The following PRKACB variants were observed in gnomAD, a reference collection of about 807,000 sequenced individuals.
PRKACB encodes the protein cAMP-dependent protein kinase catalytic subunit beta.
In PRKACB, 16 loss-of-function variants were observed where a neutral mutation model predicts 51.4. The ratio of observed to expected loss-of-function variants is 0.31; its 90% CI spans 0.21 to 0.47. The LOEUF (loss-of-function observed/expected upper bound fraction) is 0.47. Among genes scored for constraint, PRKACB ranks in the 20% least tolerant of loss-of-function variants. The pLI is 1.00. For synonymous variants in PRKACB, 147 were observed against 154.4 expected (o/e 0.95, Z 0.35); for missense variants, 309 against 464.5 (o/e 0.67, Z 3.08).
chr1:84,107,053 G>A (rs958257911), intron 1 of PRKACB, among the ~76,000 whole-genome samples: 1 of 151,990 alleles, frequency 6.6e-6, no homozygotes. Context: ...TAGTACCTGG[G>A]TGACAAAATA....
chr1:84,164,529 C>T (rs1656775803), intron 1 of PRKACB: 3 of 1,469,448 alleles, frequency 2.0e-6, no homozygotes, highest in Non-Finnish European at 2.8e-6. Flanking sequence ...TCATGTGGCT[C>T]TAAAATAAAA....
rs1676589879 is a variant in PRKACB, at chr1:84,235,551, G to T, written c.*246G>T. 1 of 405,372 alleles carries T rather than the reference G, an allele frequency of 2.5e-6. No individual in the cohort carries two copies. The allele number at this position is 405,372 out of a possible 1,614,324, so 25.1% of individuals were successfully genotyped here. A position where few individuals can be genotyped will look rare whatever the true frequency, so the allele number is the denominator to read the frequency against. On this transcript the variant is annotated 3_prime_UTR_variant, in exon 10 of 10. Transcript: ENST00000370685. ...CCACTTTCTTACTTCTCTTTGGGTT[G>T]TCTTTCTCCTCTCCTATATCCATTT... is the stretch of plus-strand genomic sequence containing the variant.
chr1:84,181,583 CTTCTT>C (rs2100988516), intron 2 of PRKACB: 1 of 930,086 alleles, frequency 1.1e-6, no homozygotes, highest in African/African-American at 1.7e-5. Context: ...ATGAGGAACT[CTTCTT>C]TCCTTATTGT....
At position 84,222,552 on chromosome 1, in the gene PRKACB, A is replaced by G. The variant is rs549778963; in HGVS notation, c.1071+8235A>G. On this transcript the variant is annotated intron_variant, in intron 9 of 9. Transcript: ENST00000370685. ...AGTTTGGTGGTTTTCTGTAATGGTAATATTTGAGTCCTTTCTCTTTCTCAT... is the reference window on the plus strand; with the variant it reads ...AGTTTGGTGGTTTTCTGTAATGGTAGTATTTGAGTCCTTTCTCTTTCTCAT... 6.6e-5 allele frequency among the ~76,000 whole-genome samples: 10 copies of G among 151,926 alleles called. No homozygotes were observed. The South Asian group carries it at 1.9e-3, about 29-fold the overall frequency.
At chr1:84,219,495 G>A (rs1673370422) in intron 9 of PRKACB, among the ~76,000 whole-genome samples, 2 of 152,006 alleles carry the variant, frequency 1.3e-5, no homozygotes, top group Non-Finnish European at 2.9e-5. Flanking sequence ...ACAGGCGTGA[G>A]CCACCATGCC....
chr1:84,228,615 T>G (rs892980317), intron 9 of PRKACB, among the ~76,000 whole-genome samples: 1 of 152,226 alleles, frequency 6.6e-6, no homozygotes, highest in African/African-American at 2.4e-5. Flanking sequence ...GGAAGACATT[T>G]TACTTTTAGG....
intron 1 of PRKACB, among the ~76,000 whole-genome samples, chr1:84,171,554 C>T (rs1461282842): frequency 6.6e-6 from 1 of 151,508 alleles, no homozygotes; most frequent in Non-Finnish European, 1.5e-5. Flanking sequence ...CTCTTAAATG[C>T]ATTTACTGAT....
At position 84,202,896 on chromosome 1, in the gene PRKACB, T is replaced by C. The variant is rs577638187; in HGVS notation, c.906+91T>C. On this transcript the variant is annotated intron_variant, in intron 8 of 9. Coordinates refer to ENST00000370685, the MANE Select transcript of PRKACB (RefSeq NM_182948.4). ...AACTATATTGTGTCATAATTATTAT[T>C]CTACATTGGGAAAAATATAGAAAAA... 2.9e-5 allele frequency: 33 copies of C among 1,127,836 alleles called. No homozygotes were observed. The South Asian group carries it at 7.3e-4, about 25-fold the overall frequency. The allele number at this position is 1,127,836 out of a possible 1,614,324, so 69.9% of individuals were successfully genotyped here.
intron 1 of PRKACB, 87 bp from the exon 2 acceptor site, chr1:84,179,090 T>A (rs1572106648): frequency 7.2e-7 from 1 of 1,381,526 alleles, no homozygotes; most frequent in East Asian, 2.6e-5. Flanking sequence ...TTTTTTTAAG[T>A]GAGAAAACCA....
intron 1 of PRKACB, among the ~76,000 whole-genome samples, chr1:84,173,846 A>C (rs1660345466): frequency 6.6e-6 from 1 of 151,874 alleles, no homozygotes. Context: ...GACACTATTA[A>C]AAACATTATT....
At chr1:84,118,136 G>T (rs1650779757) in intron 1 of PRKACB, among the ~76,000 whole-genome samples, 1 of 152,132 alleles carries the variant, frequency 6.6e-6, no homozygotes, top group Non-Finnish European at 1.5e-5. Flanking sequence ...GTAGAGATGT[G>T]AACTGCTAAA....
chr1:84,233,285 T>C (rs1012664542), intron 9 of PRKACB, among the ~76,000 whole-genome samples: 4 of 152,110 alleles, frequency 2.6e-5, no homozygotes, highest in African/African-American at 9.7e-5. Flanking sequence ...AGAGATCCGC[T>C]GTTAGTCTGA....
At chr1:84,209,460 C>G (rs1486784071) in intron 8 of PRKACB, among the ~76,000 whole-genome samples, 1 of 152,058 alleles carries the variant, frequency 6.6e-6, no homozygotes, top group Non-Finnish European at 1.5e-5. Flanking sequence ...ACCTTCGAGT[C>G]CTCACTTCAT....
chr1:84,179,246 A>T lies in PRKACB; in HGVS notation c.249+8A>T, dbSNP rs1662382745. 1 of 1,557,810 alleles carries T rather than the reference A, an allele frequency of 6.4e-7. No homozygotes were observed. Among genetic ancestry groups the T allele is most frequent in the African/African-American group, 1.4e-5 (1 of 72,658 alleles). Reference sequence around the variant, plus strand: ...TGGGAGAATCCAACTCAGGTAAGGAATATTTAGATTTTTCTAAAATTAAAA... The same window carrying T: ...TGGGAGAATCCAACTCAGGTAAGGATTATTTAGATTTTTCTAAAATTAAAA... On this transcript the variant is annotated splice_region_variant and intron_variant, in intron 2 of 9. Transcript: ENST00000370685.
intron 1 of PRKACB, among the ~76,000 whole-genome samples, chr1:84,093,293 G>T (rs1391027944): frequency 6.8e-6 from 1 of 146,568 alleles, no homozygotes; most frequent in Admixed American, 6.9e-5. Flanking sequence ...CTCTCTCTCT[G>T]TGTATGCGCT....
At chr1:84,119,257 A>G (rs756328521) in intron 1 of PRKACB, among the ~76,000 whole-genome samples, 1 of 152,194 alleles carries the variant, frequency 6.6e-6, no homozygotes, top group Non-Finnish European at 1.5e-5. Flanking sequence ...ATATTCAAAT[A>G]TCATAGAAGA....
At chr1:84,197,893 A>G in intron 7 of PRKACB, 69 bp downstream of exon 7, 1 of 1,089,280 alleles carries the variant, frequency 9.2e-7, no homozygotes, top group Non-Finnish European at 1.3e-6. Flanking sequence ...CTTTTGTAAA[A>G]ACAGTTTATT....
At chr1:84,118,247 A>G (rs1650789132) in intron 1 of PRKACB, among the ~76,000 whole-genome samples, 2 of 152,072 alleles carry the variant, frequency 1.3e-5, no homozygotes, top group South Asian at 2.1e-4. Context: ...CTGTGCCTCA[A>G]ATGTTCCCTG....
chr1:84,098,371 C>T (rs1481567963), intron 1 of PRKACB, among the ~76,000 whole-genome samples: 2 of 151,940 alleles, frequency 1.3e-5, no homozygotes, highest in East Asian at 3.9e-4. Flanking sequence ...TTTACATAGC[C>T]CATTTTGTTT....
Sources: allele counts gnomAD v4.1 joint callset (sites outside exome capture counted in the v4.1 genomes callset), GRCh38; gene constraint gnomAD v4.1.1; transcripts MANE v1.5; gene names NCBI Gene and HGNC (gene_info 2026-07-23, HGNC 2026-07-21).